Variants in PCDH11X observed in about 807,000 individuals in gnomAD.
PCDH11X encodes protocadherin-11 X-linked.
A neutral mutation model predicts 53.3 loss-of-function variants in PCDH11X; 18 were observed. That is an observed-to-expected ratio of 0.34 (90% confidence interval 0.23 to 0.50). The LOEUF (loss-of-function observed/expected upper bound fraction) is 0.50. PCDH11X is among the 20% of genes least tolerant of loss of function. PCDH11X has a pLI of 0.98. For synonymous variants in PCDH11X, 279 were observed against 393.3 expected, an observed-to-expected ratio of 0.71 and a Z score of 3.44; for missense variants, 570 against 1,032.4, an observed-to-expected ratio of 0.55 and a Z score of 6.14.
At chrX:91,978,948 T>C (rs888830102) in intron 6 of PCDH11X, among the ~76,000 whole-genome samples, 17 of 111,888 alleles carry the variant, frequency 1.5e-4, no homozygotes, top group Middle Eastern at 4.2e-3. Context: ...AATTCAGTAC[T>C]TCATATCTGC....
intron 6 of PCDH11X, among the ~76,000 whole-genome samples, chrX:92,065,305 G>A (rs1164053811): frequency 2.7e-5 from 3 of 109,362 alleles, no homozygotes; most frequent in Admixed American, 9.8e-5. Flanking sequence ...AACAAACATG[G>A]GAGTGCGGAT....
intron 6 of PCDH11X, among the ~76,000 whole-genome samples, chrX:91,884,190 CAA>C (rs34953838): frequency 9.1e-3 from 343 of 37,708 alleles, no homozygotes; most frequent in African/African-American, 0.034. Flanking sequence ...GACTCCGTCT[CAA>C]AAAAAAAAAA....
intron 8 of PCDH11X, among the ~76,000 whole-genome samples, chrX:92,298,847 C>T (rs544385431): frequency 9.0e-5 from 10 of 111,294 alleles, no homozygotes; most frequent in Middle Eastern, 4.7e-3. Flanking sequence ...AAAATATTGC[C>T]GGACCAACTC....
At chrX:91,870,010 G>A (rs1479382282) in intron 5 of PCDH11X, among the ~76,000 whole-genome samples, 15 of 111,874 alleles carry the variant, frequency 1.3e-4, no homozygotes, top group Non-Finnish European at 2.5e-4. Flanking sequence ...TATGTCTTGT[G>A]TTTCATTTCT....
intron 6 of PCDH11X, among the ~76,000 whole-genome samples, chrX:92,117,268 C>G (rs1440354816): frequency 1.8e-5 from 2 of 109,491 alleles, no homozygotes; most frequent in African/African-American, 3.3e-5. Context: ...AAAACCCCGT[C>G]TCTACCAAAA....
intron 8 of PCDH11X, among the ~76,000 whole-genome samples, chrX:92,317,544 C>T (rs903109721): frequency 5.5e-4 from 61 of 111,559 alleles, no homozygotes; most frequent in Middle Eastern, 4.7e-3. Flanking sequence ...TCCAGTGGTA[C>T]GTACAATATC....
At chrX:91,811,439 A>G in intron 4 of PCDH11X, 144 bp downstream of exon 4, 1 of 480,913 alleles carries the variant, frequency 2.1e-6, no homozygotes, top group Non-Finnish European at 3.5e-6. Flanking sequence ...AAATGTTAAC[A>G]GTGAGATTGG....
At chrX:92,053,396 G>A (rs940215361) in intron 6 of PCDH11X, among the ~76,000 whole-genome samples, 4 of 106,500 alleles carry the variant, frequency 3.8e-5, no homozygotes, top group African/African-American at 1.4e-4. Context: ...AGTCTTCATA[G>A]TAGTAATTCA....
Position 92,577,679 on chromosome X carries a change from G to C in PCDH11X, c.3368-40585G>C, listed in dbSNP as rs1353674872. 6.3e-5 allele frequency among the ~76,000 whole-genome samples: 7 copies of C among 111,351 alleles called. No homozygotes were observed. In the East Asian group the frequency reaches 2.0e-3, roughly 32 times the overall value. On this transcript the variant is annotated intron_variant, in intron 10 of 10. Transcript: ENST00000682573. The stretch of plus-strand genomic sequence containing the variant: ...TCTTTCTAGTCAATGTGGGCATTTA[G>C]TGCTGTGAAATGTTCTCTTAACATT...
intron 10 of PCDH11X, among the ~76,000 whole-genome samples, chrX:92,505,048 T>G (rs1177650925): frequency 2.7e-5 from 3 of 110,053 alleles, no homozygotes; most frequent in Non-Finnish European, 5.7e-5. Context: ...TTATACATTC[T>G]GGATATTAGG....
At chrX:92,122,143 C>T (rs1315417975) in intron 6 of PCDH11X, among the ~76,000 whole-genome samples, 6 of 108,958 alleles carry the variant, frequency 5.5e-5, no homozygotes, top group East Asian at 2.9e-4. Flanking sequence ...CCACCACGCC[C>T]GGCTAATTTT....
chrX:92,467,333 G>C (rs1247921823), intron 9 of PCDH11X, among the ~76,000 whole-genome samples: 2 of 110,530 alleles, frequency 1.8e-5, no homozygotes, highest in South Asian at 3.8e-4. Flanking sequence ...TTCCATCTAA[G>C]AATTTCATGT....
intron 6 of PCDH11X, among the ~76,000 whole-genome samples, chrX:91,939,694 G>A (rs1388800279): frequency 2.7e-5 from 3 of 109,964 alleles, no homozygotes; most frequent in African/African-American, 6.6e-5. Flanking sequence ...GTGGAGGGCT[G>A]TCTTTAAAGT....
intron 8 of PCDH11X, among the ~76,000 whole-genome samples, chrX:92,285,211 C>G (rs1475722616): frequency 2.9e-5 from 3 of 103,186 alleles, no homozygotes; most frequent in Non-Finnish European, 5.9e-5. Flanking sequence ...AGTCCCACAT[C>G]ATTATAGAGT....
intron 6 of PCDH11X, among the ~76,000 whole-genome samples, chrX:91,929,321 A>G (rs1422373666): frequency 9.0e-6 from 1 of 110,786 alleles, no homozygotes; most frequent in Non-Finnish European, 1.9e-5. Context: ...TCTAATGAGT[A>G]AGTAAAAGAG....
At chrX:91,998,743 T>G (rs1243414322) in intron 6 of PCDH11X, among the ~76,000 whole-genome samples, 1 of 110,713 alleles carries the variant, frequency 9.0e-6, no homozygotes, top group Non-Finnish European at 1.9e-5. Context: ...AATTTTTTCC[T>G]CTCCATCCAA....
At chrX:92,601,766 T>C (rs976604782) in intron 10 of PCDH11X, among the ~76,000 whole-genome samples, 1 of 109,960 alleles carries the variant, frequency 9.1e-6, no homozygotes, top group African/African-American at 3.3e-5. Context: ...TCATAATCCA[T>C]ATCTCGCCAC....
chrX:92,315,803 T>C (rs978097950), intron 8 of PCDH11X, among the ~76,000 whole-genome samples: 1 of 110,038 alleles, frequency 9.1e-6, no homozygotes, highest in African/African-American at 3.3e-5. Context: ...CCCAAAGTGC[T>C]GGGATTACAG....
At chrX:92,331,215 G>T (rs1252132179) in intron 8 of PCDH11X, among the ~76,000 whole-genome samples, 3 of 108,798 alleles carry the variant, frequency 2.8e-5, no homozygotes, top group African/African-American at 1.0e-4. Flanking sequence ...GTCATTAAAT[G>T]CCCGTTTCCT....
Sources: allele counts gnomAD v4.1 joint callset (sites outside exome capture counted in the v4.1 genomes callset), GRCh38; gene constraint gnomAD v4.1.1; transcripts MANE v1.5; gene names NCBI Gene and HGNC (gene_info 2026-07-23, HGNC 2026-07-21).